APEX2: variants seen among roughly 807,000 people sequenced by gnomAD.
APEX2 encodes DNA-(apurinic or apyrimidinic site) endonuclease 2.
Under a neutral mutation model 16.7 loss-of-function variants are expected in APEX2, and 4 were observed. The observed-to-expected ratio is 0.24, with a 90% CI of 0.12 to 0.55. The LOEUF (loss-of-function observed/expected upper bound fraction) is 0.55, where lower values mean the gene tolerates loss of function less well. APEX2 is among the 20% of genes least tolerant of loss of function. The pLI is 0.94. For synonymous variants in APEX2, 181 were observed against 166.9 expected, an observed-to-expected ratio of 1.08 and a Z score of -0.65; for missense variants, 357 against 433.6, an observed-to-expected ratio of 0.82 and a Z score of 1.57.
chrX:55,007,282 C>T lies in APEX2; in HGVS notation c.1404C>T (p.Leu468=), dbSNP rs1202985548. 14 of 1,210,671 alleles carry T rather than the reference C, an allele frequency of 1.2e-5. No homozygotes were observed. Among genetic ancestry groups the T allele is most frequent in the Non-Finnish European group, 1.6e-5 (14 of 895,314 alleles). The change falls in exon 6 of 6, where the codon CTC becomes CTT. Residue 468 remains leucine (L), a synonymous_variant. Coordinates refer to ENST00000374987, the MANE Select transcript of APEX2 (RefSeq NM_014481.4). The part of the protein sequence containing the change: ...SVLAGPLRTP[L]CGGHREPCVM... ...TGGCGGGGCCCTTGCGCACACCCCT[C>T]TGTGGGGGCCACAGGGAGCCATGTG...
chrX:55,002,681 CA>C (rs1935460561), intron 3 of APEX2, among the ~76,000 whole-genome samples: 1 of 111,774 alleles, frequency 8.9e-6, no homozygotes, highest in Non-Finnish European at 1.9e-5. Flanking sequence ...ATAGACATCT[CA>C]AAAGCAACTT....
rs745857862 is a variant in APEX2, at chrX:55,001,575, G to A, written c.187G>A (p.Val63Ile). 31 of 1,204,343 alleles carry A rather than the reference G, an allele frequency of 2.6e-5. No individual in the cohort carries two copies. The highest frequency in any genetic ancestry group is 3.1e-5 in the Non-Finnish European group (28 of 892,793). Residue 63 changes from valine to isoleucine, a missense_variant, in exon 2 of 6, where the codon GTT becomes ATT. Transcript: ENST00000374987. ...TGCACTGACAGAGCCCCTGGCTATC[G>A]TTGAGGGTTATAACTCCTATTTCAG... The part of the protein sequence containing the change: ...RDALTEPLAI[V>I]EGYNSYFSFS...
At position 55,007,431 on chromosome X, in the gene APEX2, G is replaced by C; in HGVS notation, c.1553G>C (p.Ser518Thr). 8.6e-7 allele frequency: 1 copy of C among 1,157,053 alleles called. No homozygotes were observed. The highest frequency in any genetic ancestry group is 1.2e-6 in the Non-Finnish European group (1 of 866,646). ...AACTTCTTCCTCTGGAGCAGGCCCA[G>C]CTGAACCAATGGAGGCCTGGGGACA... ...RCNFFLWSRP[S>T] Residue 518 changes from serine to threonine, a missense_variant, in exon 6 of 6, where the codon AGC (serine) becomes ACC (threonine). Transcript: ENST00000374987.
In APEX2 at chrX:55,002,236, C is replaced by T. The variant is rs1171612153; in HGVS notation, c.242-15C>T. 2.5e-6 allele frequency: 3 copies of T among 1,178,602 alleles called. No individual in the cohort carries two copies. Among genetic ancestry groups the T allele is most frequent in the East Asian group, 3.0e-5 (1 of 33,326 alleles). On this transcript the variant is annotated splice_polypyrimidine_tract_variant and intron_variant, in intron 2 of 5. Transcript: ENST00000374987. ...TGACTGCCAGGTCTGCTCAGAGTGC[C>T]CTGTCTGTTCCCAGGTGTAGCCACC...
At chrX:55,002,552 C>A in intron 3 of APEX2, 121 bp downstream of exon 3, 1 of 871,688 alleles carries the variant, frequency 1.1e-6, no homozygotes, top group Non-Finnish European at 1.6e-6. Flanking sequence ...TTTGCCTTTC[C>A]TGGTTTAGTC....
rs774108069 is a variant in APEX2 at position 55,007,072 on chromosome X, G to T, written c.1194G>T (p.Gln398His). ...RGQKNLKSYFQPSPSCPQASP... is the reference protein window; with the variant it reads ...RGQKNLKSYFHPSPSCPQASP... ...AGAAAAACCTGAAGAGCTACTTTCA[G>T]CCCTCCCCTAGCTGTCCCCAAGCCT... The change falls in exon 6 of 6, where the codon CAG (glutamine) becomes CAT (histidine). Residue 398 changes from glutamine (Q) to histidine (H), a missense_variant. By Grantham distance (24) the Gln-to-His change is conservative. Transcript: ENST00000374987. 2.2e-5 allele frequency: 27 copies of T among 1,209,693 alleles called. No individual in the cohort carries two copies. The highest frequency in any genetic ancestry group is 2.3e-4 in the Middle Eastern group (1 of 4,375).
chrX:55,001,541 TCCAGGGGA>T lies in APEX2; in HGVS notation c.158-4_161del, dbSNP rs1322667382. 8.4e-7 allele frequency: 1 copy of T among 1,190,045 alleles called. No homozygotes were observed. Among genetic ancestry groups the T allele is most frequent in the Admixed American group, 2.3e-5 (1 of 43,482 alleles). Reference sequence around the variant, plus strand: ...CTGACTTAATCTTACATTTTTTTTTTCCAGGGGATGCACTGACAGAGCCCCTGGCTATC... The same window carrying T: ...CTGACTTAATCTTACATTTTTTTTTTTGCACTGACAGAGCCCCTGGCTATC... On this transcript the variant is annotated splice_acceptor_variant and splice_polypyrimidine_tract_variant and coding_sequence_variant and intron_variant, in exon 2 of 6. Coordinates refer to ENST00000374987, the MANE Select transcript of APEX2 (RefSeq NM_014481.4). LOFTEE classifies it high-confidence loss of function.
chrX:55,003,155 G>T (rs752739151), intron 4 of APEX2, 47 bp downstream of exon 4: 120 of 1,188,199 alleles, frequency 1.0e-4, no homozygotes, highest in Non-Finnish European at 1.3e-4. Context: ...GGTCCTGGGT[G>T]CCCAGCCCTG....
rs1402401855 is a variant in APEX2, at chrX:55,008,411, A to T, written c.*976A>T. The T allele has an allele frequency of 9.0e-6, 1 of 111,014 alleles. No homozygotes were observed. Among genetic ancestry groups the T allele is most frequent in the African/African-American group, 3.3e-5 (1 of 30,438 alleles). 9.1% of individuals were successfully genotyped at this position (111,014 alleles called of 1,213,427 possible). On this transcript the variant is annotated 3_prime_UTR_variant, in exon 6 of 6. Coordinates refer to ENST00000374987, the MANE Select transcript of APEX2 (RefSeq NM_014481.4). ...CATGGTGAGACCCCGTCTCTACTAA[A>T]TACAAAAAAATTAACTGGGCGTGGT... is the stretch of plus-strand genomic sequence containing the variant.
In APEX2 at chrX:55,006,634, A is replaced by C; in HGVS notation, c.756A>C (p.Pro252=). The change falls in exon 6 of 6, where the codon CCA becomes CCC. Residue 252 remains proline, a synonymous_variant. Transcript: ENST00000374987. ...PFIDSYRCFQ[P]KQEGAFTCWS... ...TCGATAGCTACCGCTGCTTCCAACC[A>C]AAGCAGGAGGGGGCCTTCACCTGCT... is the stretch of plus-strand genomic sequence containing the variant. 3 of 1,157,983 alleles carry C rather than the reference A, an allele frequency of 2.6e-6. No homozygotes were observed. Among genetic ancestry groups the C allele is most frequent in the Non-Finnish European group, 2.3e-6 (2 of 868,008 alleles).
In APEX2 at chrX:55,007,632, C is replaced by T. The variant is rs1210477993; in HGVS notation, c.*197C>T. On this transcript the variant is annotated 3_prime_UTR_variant, in exon 6 of 6. Coordinates refer to ENST00000374987, the MANE Select transcript of APEX2 (RefSeq NM_014481.4). ...CTTCTTGTGCCTTAATCCTGTGACC[C>T]AGCCCCTTACACCACTTTCCACCTT... The T allele has an allele frequency of 2.5e-6, 1 of 404,590 alleles. No individual in the cohort carries two copies. The highest frequency in any genetic ancestry group is 4.0e-6 in the Non-Finnish European group (1 of 248,081). The allele number at this position is 404,590 out of a possible 1,213,427, so 33.3% of individuals were successfully genotyped here.
In APEX2 at chrX:55,001,614, C is replaced by T. The variant is rs1301444460; in HGVS notation, c.226C>T (p.Arg76Cys). Residue 76 changes from arginine (R) to cysteine (C), a missense_variant, in exon 2 of 6, where the codon CGT becomes TGT. Transcript: ENST00000374987. Reference sequence around the variant, plus strand: ...CTCCTATTTCAGCTTCAGCCGCAACCGTAGCGGCTATTCTGGTAAATGGGG... The same window carrying T: ...CTCCTATTTCAGCTTCAGCCGCAACTGTAGCGGCTATTCTGGTAAATGGGG... The part of the protein sequence containing the change: ...YNSYFSFSRN[R>C]SGYSGVATFC... 2.5e-6 allele frequency: 3 copies of T among 1,203,624 alleles called. No homozygotes were observed. The highest frequency in any genetic ancestry group is 3.4e-6 in the Non-Finnish European group (3 of 891,165).
chrX:55,008,984 C>T lies in APEX2; in HGVS notation c.*1549C>T, dbSNP rs909769047. 3 of 488,245 alleles carry T rather than the reference C, an allele frequency of 6.1e-6. No individual in the cohort carries two copies. Among genetic ancestry groups the T allele is most frequent in the Non-Finnish European group, 7.0e-6 (2 of 287,503 alleles). The allele number at this position is 488,245 out of a possible 1,213,427, so 40.2% of individuals were successfully genotyped here. A position where few individuals can be genotyped will look rare whatever the true frequency, so the allele number is the denominator to read the frequency against. On this transcript the variant is annotated 3_prime_UTR_variant, in exon 6 of 6. Coordinates refer to ENST00000374987, the MANE Select transcript of APEX2 (RefSeq NM_014481.4). ...ACCAACAAGTGACCTATGGTTACCTCATAGATCTGCCACTTGTCTGAGGGA... is the reference window on the plus strand; with the variant it reads ...ACCAACAAGTGACCTATGGTTACCTTATAGATCTGCCACTTGTCTGAGGGA...
chrX:55,002,130 C>T (rs1935451906), intron 2 of APEX2, 121 bp from the exon 3 acceptor site: 1 of 736,947 alleles, frequency 1.4e-6, no homozygotes, highest in African/African-American at 2.2e-5. Context: ...ATAAGGTTGC[C>T]CAAGAACCAC....
intron 1 of APEX2, among the ~76,000 whole-genome samples, chrX:55,000,831 G>C (rs1935430542): frequency 1.8e-5 from 2 of 108,497 alleles, no homozygotes; most frequent in South Asian, 8.1e-4. Context: ...TCATTCTCCG[G>C]CCCCAAACTC....
intron 5 of APEX2, 114 bp downstream of exon 5, chrX:55,003,982 G>T (rs184136476): frequency 5.2e-4 from 339 of 650,032 alleles, no homozygotes; most frequent in Middle Eastern, 2.1e-3. Flanking sequence ...GCGGAGCTTG[G>T]CTTGCAATAC....
At chrX:55,001,825 A>G (rs754460388) in intron 2 of APEX2, among the ~76,000 whole-genome samples, 196 bp downstream of exon 2, 2 of 112,062 alleles carry the variant, frequency 1.8e-5, no homozygotes, top group Non-Finnish European at 3.8e-5. Flanking sequence ...GTACAGTAGT[A>G]GTGTGGTGCT....
At position 55,007,047 on chromosome X, in the gene APEX2, A is replaced by G; in HGVS notation, c.1169A>G (p.Gln390Arg). ...AGTCAGGTTGGCTCTAGCAGAGGCCAGAAAAACCTGAAGAGCTACTTTCAG... is the reference window on the plus strand; with the variant it reads ...AGTCAGGTTGGCTCTAGCAGAGGCCGGAAAAACCTGAAGAGCTACTTTCAG... ...QPSQVGSSRG[Q>R]KNLKSYFQPS... The change falls in exon 6 of 6, where the codon CAG becomes CGG. Residue 390 changes from glutamine (Q) to arginine (R), a missense_variant. Transcript: ENST00000374987. 4.1e-6 allele frequency: 5 copies of G among 1,211,678 alleles called. No individual in the cohort carries two copies. The highest frequency in any genetic ancestry group is 4.5e-6 in the Non-Finnish European group (4 of 895,414).
chrX:55,007,224 A>G lies in APEX2; in HGVS notation c.1346A>G (p.Lys449Arg), dbSNP rs1264391381. The change falls in exon 6 of 6, where the codon AAG (lysine) becomes AGG (arginine). Residue 449 changes from lysine to arginine, a missense_variant. By Grantham distance (26) the Lys-to-Arg change is conservative. Transcript: ENST00000374987. ...QAKTSEAKDE[K>R]ELRTSFWKSV... ...AAGACTTCAGAAGCCAAAGATGAGAAGGAGTTACGGACCTCATTCTGGAAG... is the reference window on the plus strand; with the variant it reads ...AAGACTTCAGAAGCCAAAGATGAGAGGGAGTTACGGACCTCATTCTGGAAG... 3 of 1,212,217 alleles carry G rather than the reference A, an allele frequency of 2.5e-6. No homozygotes were observed. The highest frequency in any genetic ancestry group is 2.2e-6 in the Non-Finnish European group (2 of 895,627).
Sources: allele counts gnomAD v4.1 joint callset (sites outside exome capture counted in the v4.1 genomes callset), GRCh38; gene constraint gnomAD v4.1.1; transcripts MANE v1.5; gene names NCBI Gene and HGNC (gene_info 2026-07-23, HGNC 2026-07-21).